Variants in RB1CC1 observed in about 807,000 individuals in gnomAD.
The protein encoded by RB1CC1 is RB1-inducible coiled-coil protein 1.
Under a neutral mutation model 177.5 loss-of-function variants are expected in RB1CC1, and 46 were observed. The observed-to-expected ratio is 0.26, with a 90% CI of 0.20 to 0.33. RB1CC1 has a LOEUF of 0.33. Among genes scored for constraint, RB1CC1 ranks in the 10% least tolerant of loss-of-function variants. RB1CC1 has a pLI of 1.00. For synonymous variants in RB1CC1, 666 were observed against 613.6 expected, an observed-to-expected ratio of 1.09 and a Z score of -1.26; for missense variants, 1,703 against 1,816.3, an observed-to-expected ratio of 0.94 and a Z score of 1.13.
intron 16 of RB1CC1, among the ~76,000 whole-genome samples, 167 bp downstream of exon 16, chr8:52,645,535 T>C (rs886246982): frequency 1.3e-5 from 2 of 152,032 alleles, no homozygotes; most frequent in Non-Finnish European, 2.9e-5. Context: ...CTAAAAAAAA[T>C]TCTTAAAAAT....
At chr8:52,669,522 A>T (rs1852363670) in intron 7 of RB1CC1, among the ~76,000 whole-genome samples, 1 of 152,220 alleles carries the variant, frequency 6.6e-6, no homozygotes, top group South Asian at 2.1e-4. Flanking sequence ...TGTTATTATC[A>T]AGAATCCAGT....
chr8:52,690,977 C>T (rs112989836), intron 1 of RB1CC1, among the ~76,000 whole-genome samples: 26 of 152,284 alleles, frequency 1.7e-4, no homozygotes, highest in East Asian at 7.7e-4. Context: ...TCCTTCATAA[C>T]CAAAGTACAT....
intron 8 of RB1CC1, among the ~76,000 whole-genome samples, chr8:52,667,638 T>C (rs1474129062): frequency 6.6e-6 from 1 of 152,226 alleles, no homozygotes; most frequent in African/African-American, 2.4e-5. Context: ...TAGGTATTAC[T>C]ATTAGAAGTA....
In RB1CC1 at chr8:52,661,347, T is replaced by C. The variant is rs994022452; in HGVS notation, c.1359-66A>G. Reference sequence around the variant, plus strand: ...GGTACTAACTTAGTTACTTACTTAGTAAGCTTACTAACTTAGTTAAGCCAA... The same window carrying C: ...GGTACTAACTTAGTTACTTACTTAGCAAGCTTACTAACTTAGTTAAGCCAA... On this transcript the variant is annotated intron_variant, in intron 9 of 23. Transcript: ENST00000025008. 44 of 1,567,034 alleles carry C rather than the reference T, an allele frequency of 2.8e-5. No homozygotes were observed. The South Asian group carries it at 5.0e-4, about 18-fold the overall frequency.
chr8:52,648,549 C>T (rs1256903860), intron 15 of RB1CC1, among the ~76,000 whole-genome samples: 3 of 152,114 alleles, frequency 2.0e-5, no homozygotes, highest in African/African-American at 7.2e-5. Flanking sequence ...AAGGTTACAG[C>T]GTATCACAGT....
intron 7 of RB1CC1, among the ~76,000 whole-genome samples, chr8:52,669,581 C>T (rs1852368264): frequency 6.6e-6 from 1 of 152,096 alleles, no homozygotes; most frequent in Admixed American, 6.5e-5. Context: ...TTAACAAAAC[C>T]ATTATTTCAG....
intron 15 of RB1CC1, among the ~76,000 whole-genome samples, chr8:52,653,457 C>T (rs185794244): frequency 8.3e-4 from 127 of 152,132 alleles, no homozygotes; most frequent in Non-Finnish European, 1.2e-3. Flanking sequence ...TAGAATGAAC[C>T]GGTTAAAGAC....
chr8:52,658,018 C>A lies in RB1CC1; in HGVS notation c.1900G>T (p.Asp634Tyr). Residue 634 changes from aspartate to tyrosine, a missense_variant, in exon 14 of 24, where the codon GAT becomes TAT. Physicochemically the swap from Asp to Tyr is radical, Grantham distance 160. Around this residue, in one of 6 missense-constraint regions of RB1CC1, gnomAD observed 1,169 missense variants for 1,184.7 expected, o/e 0.99. Transcript: ENST00000025008. ...TTTGCCTTTTGTTCACTCAGTAGAT[C>A]TGTAATGGTCTGTGACATTTCATCC... Reference protein sequence around the residue: ...SLDEMSQTITDLLSEQKASVS... With the variant: ...SLDEMSQTITYLLSEQKASVS... 2 of 1,614,022 alleles carry A rather than the reference C, an allele frequency of 1.2e-6. No homozygotes were observed. The highest frequency in any genetic ancestry group is 1.7e-6 in the Non-Finnish European group (2 of 1,180,002).
intron 15 of RB1CC1, among the ~76,000 whole-genome samples, chr8:52,651,128 C>T (rs1850535116): frequency 1.3e-5 from 2 of 152,118 alleles, no homozygotes; most frequent in South Asian, 4.2e-4. Flanking sequence ...ATGACAGTTA[C>T]AAGAGGAGGG....
chr8:52,669,507 TTTA>T (rs1472822029), intron 7 of RB1CC1, among the ~76,000 whole-genome samples: 1 of 152,146 alleles, frequency 6.6e-6, no homozygotes, highest in Non-Finnish European at 1.5e-5. Flanking sequence ...ACTAAACTAT[TTTA>T]TTGTTATTAT....
chr8:52,683,615 T>C lies in RB1CC1; in HGVS notation c.303A>G (p.Lys101=), dbSNP rs1369413132. ...TFSTENDMEI[K]VEESLMMPAV... ...CAGGCATCATAAGAGATTCTTCAAC[T>C]TTTATTTCCATGTCATTTTCTGTCG... The change falls in exon 5 of 24, where the codon AAA becomes AAG. Residue 101 remains lysine (K), a synonymous_variant. Coordinates refer to ENST00000025008, the MANE Select transcript of RB1CC1 (RefSeq NM_014781.5). The C allele has an allele frequency of 6.2e-7, 1 of 1,613,010 alleles. No individual in the cohort carries two copies. Among genetic ancestry groups the C allele is most frequent in the South Asian group, 1.1e-5 (1 of 90,724 alleles).
chr8:52,700,964 T>C (rs915310053), intron 1 of RB1CC1, among the ~76,000 whole-genome samples: 5 of 152,258 alleles, frequency 3.3e-5, no homozygotes, highest in South Asian at 4.1e-4. Flanking sequence ...AAGAGGGAGG[T>C]TGACCTAGGT....
At chr8:52,659,208 C>T (rs1272261287) in intron 12 of RB1CC1, among the ~76,000 whole-genome samples, 1 of 152,084 alleles carries the variant, frequency 6.6e-6, no homozygotes, top group Non-Finnish European at 1.5e-5. Context: ...CTTGTTCCTC[C>T]CCTTCTCTGC....
chr8:52,685,495 T>TCACAGAA lies in RB1CC1; in HGVS notation c.-27_-26insTTCTGTG. The stretch of plus-strand genomic sequence containing the variant: ...GATGATTTATCTGAATTCTGTGAGC[T>TCACAGAA]TATACCTCACCCTCTGATACAGTTA... On this transcript the variant is annotated 5_prime_UTR_variant, in exon 3 of 24. Coordinates refer to ENST00000025008, the MANE Select transcript of RB1CC1 (RefSeq NM_014781.5). 7.1e-7 allele frequency: 1 copy of TCACAGAA among 1,418,204 alleles called. No individual in the cohort carries two copies. Among genetic ancestry groups the TCACAGAA allele is most frequent in the Non-Finnish European group, 9.9e-7 (1 of 1,012,146 alleles). The allele number at this position is 1,418,204 out of a possible 1,614,324, so 87.9% of individuals were successfully genotyped here. A position where few individuals can be genotyped will look rare whatever the true frequency, so the allele number is the denominator to read the frequency against.
chr8:52,655,413 G>A (rs1425019023), intron 15 of RB1CC1, among the ~76,000 whole-genome samples: 1 of 152,070 alleles, frequency 6.6e-6, no homozygotes, highest in African/African-American at 2.4e-5. Flanking sequence ...ACCATCTTCT[G>A]TGATCAAAAG....
At chr8:52,659,735 C>T (rs1044592134) in intron 12 of RB1CC1, among the ~76,000 whole-genome samples, 5 of 152,324 alleles carry the variant, frequency 3.3e-5, no homozygotes, top group East Asian at 3.9e-4. Context: ...TGGTGGCTCA[C>T]GCCTGTAACC....
In RB1CC1 at chr8:52,634,959, A is replaced by G; in HGVS notation, c.4402T>C (p.Leu1468=). 6.2e-7 allele frequency: 1 copy of G among 1,609,740 alleles called. No homozygotes were observed. The part of the protein sequence containing the change: ...RIMLLERTLQ[L]KEEENKRLNQ... The stretch of plus-strand genomic sequence containing the variant: ...AACCGTTTATTTTCTTCTTCTTTCA[A>G]TTGCAATGTCTGCAGGTGGAAAAAA... Residue 1468 remains leucine (L), a synonymous_variant, in exon 20 of 24, where the codon TTG becomes CTG. Coordinates refer to ENST00000025008, the MANE Select transcript of RB1CC1 (RefSeq NM_014781.5).
At chr8:52,695,995 A>G (rs923889548) in intron 1 of RB1CC1, among the ~76,000 whole-genome samples, 1 of 152,132 alleles carries the variant, frequency 6.6e-6, no homozygotes, top group Non-Finnish European at 1.5e-5. Context: ...GTTTTGTGGG[A>G]CTGTTCCTTC....
intron 7 of RB1CC1, 54 bp from the exon 8 acceptor site, chr8:52,668,245 G>T: frequency 6.3e-7 from 1 of 1,575,306 alleles, no homozygotes; most frequent in Non-Finnish European, 8.6e-7. Context: ...AGTTTAAAAT[G>T]TATTTCATGC....
Sources: gnomAD v4.1 joint callset for allele counts (sites outside exome capture counted in the v4.1 genomes callset) on GRCh38, gnomAD v4.1.1 for gene constraint, gnomAD v4.1.1 regional missense constraint, MANE v1.5 for transcripts, NCBI Gene and HGNC (gene_info 2026-07-23, HGNC 2026-07-21) for gene names.